SH3RF3: variants seen among roughly 807,000 people sequenced by gnomAD.
SH3RF3 encodes SH3 domain containing ring finger 3, also known as E3 ubiquitin-protein ligase SH3RF3.
Under a neutral mutation model 66.3 loss-of-function variants are expected in SH3RF3, and 29 were observed. The ratio of observed to expected loss-of-function variants is 0.44; its 90% confidence interval spans 0.33 to 0.60. The LOEUF (loss-of-function observed/expected upper bound fraction) is 0.60, where lower values mean the gene tolerates loss of function less well. Ranked by LOEUF, SH3RF3 falls within the 20% of genes least tolerant of loss-of-function variation. The pLI is 0.04. For missense variants in SH3RF3, 1,194 were observed against 1,190.9 expected, an observed-to-expected ratio of 1.00 and a Z score of -0.04; for synonymous variants, 583 against 532.0, an observed-to-expected ratio of 1.10 and a Z score of -1.32.
At chr2:109,280,189 C>T (rs1250123488) in intron 1 of SH3RF3, among the ~76,000 whole-genome samples, 1 of 152,188 alleles carries the variant, frequency 6.6e-6, no homozygotes, top group Non-Finnish European at 1.5e-5. Flanking sequence ...TGTCAGTGGC[C>T]TGCACTAGTG....
chr2:109,145,683 T>G (rs1269141391), intron 1 of SH3RF3, among the ~76,000 whole-genome samples: 1 of 152,214 alleles, frequency 6.6e-6, no homozygotes, highest in Non-Finnish European at 1.5e-5. Flanking sequence ...ATCTTCTGGT[T>G]GTTTTACAGG....
At chr2:109,465,906 C>A (rs1678328313) in intron 8 of SH3RF3, among the ~76,000 whole-genome samples, 1 of 152,084 alleles carries the variant, frequency 6.6e-6, no homozygotes, top group Non-Finnish European at 1.5e-5. Context: ...GCTTCCACGA[C>A]CATTCACCAA....
intron 5 of SH3RF3, among the ~76,000 whole-genome samples, chr2:109,421,318 T>C (rs1034491827): frequency 2.6e-5 from 4 of 152,216 alleles, no homozygotes; most frequent in African/African-American, 9.6e-5. Context: ...ACCAGCTGAA[T>C]GCCTGTACAC....
chr2:109,454,722 G>T (rs1349479989), intron 8 of SH3RF3, among the ~76,000 whole-genome samples: 4 of 152,168 alleles, frequency 2.6e-5, no homozygotes, highest in Non-Finnish European at 5.9e-5. Context: ...CATACAGTAG[G>T]GACGGTACAC....
At chr2:109,430,412 T>G (rs550825872) in intron 5 of SH3RF3, among the ~76,000 whole-genome samples, 9 of 152,236 alleles carry the variant, frequency 5.9e-5, no homozygotes, top group African/African-American at 1.9e-4. Flanking sequence ...TCTTCTGCCT[T>G]CCTTTGCCTC....
intron 1 of SH3RF3, among the ~76,000 whole-genome samples, chr2:109,319,129 C>T (rs891553788): frequency 6.6e-6 from 1 of 152,186 alleles, no homozygotes; most frequent in Admixed American, 6.5e-5. Flanking sequence ...GCACTCCCAT[C>T]TCTGCCTAGA....
intron 5 of SH3RF3, among the ~76,000 whole-genome samples, chr2:109,422,788 C>T (rs1676917241): frequency 6.6e-6 from 1 of 152,180 alleles, no homozygotes; most frequent in South Asian, 2.1e-4. Flanking sequence ...TTGATTCTCA[C>T]CTCCACTTCT....
chr2:109,342,582 C>T (rs1682579441), intron 1 of SH3RF3, among the ~76,000 whole-genome samples: 1 of 152,010 alleles, frequency 6.6e-6, no homozygotes, highest in Non-Finnish European at 1.5e-5. Context: ...CCCCAGCTTG[C>T]TGGGAGGTCT....
chr2:109,200,351 G>T (rs982701265), intron 1 of SH3RF3, among the ~76,000 whole-genome samples: 1 of 152,076 alleles, frequency 6.6e-6, no homozygotes, highest in Non-Finnish European at 1.5e-5. Context: ...CTTTCCATAG[G>T]CTCCTTCGTG....
At chr2:109,298,741 A>T (rs929541805) in intron 1 of SH3RF3, among the ~76,000 whole-genome samples, 5 of 152,172 alleles carry the variant, frequency 3.3e-5, no homozygotes, top group Middle Eastern at 3.4e-3. Flanking sequence ...ACCCTGTGAA[A>T]TATCCCTGAT....
intron 1 of SH3RF3, among the ~76,000 whole-genome samples, chr2:109,224,567 A>T (rs997808010): frequency 3.3e-5 from 5 of 152,182 alleles, no homozygotes; most frequent in Admixed American, 6.5e-5. Context: ...GGCTTTTAAA[A>T]TTTCATTTTG....
chr2:109,399,116 G>A (rs539966608), intron 4 of SH3RF3, among the ~76,000 whole-genome samples, 173 bp downstream of exon 4: 22 of 152,262 alleles, frequency 1.4e-4, no homozygotes, highest in African/African-American at 2.4e-4. Flanking sequence ...CCCTAGAAGC[G>A]TGGAGAATGG....
At chr2:109,331,421 G>C (rs1049066330) in intron 1 of SH3RF3, among the ~76,000 whole-genome samples, 2 of 151,928 alleles carry the variant, frequency 1.3e-5, no homozygotes, top group Non-Finnish European at 2.9e-5. Flanking sequence ...TGAGAACTGG[G>C]GCCTTAACCA....
chr2:109,438,741 TAC>T, intron 7 of SH3RF3, among the ~76,000 whole-genome samples: 1 of 152,300 alleles, frequency 6.6e-6, no homozygotes, highest in South Asian at 2.1e-4. Context: ...TAGCTGGGGA[TAC>T]AGTCATTGCA....
intron 5 of SH3RF3, among the ~76,000 whole-genome samples, chr2:109,421,889 C>T (rs1173781625): frequency 2.6e-5 from 4 of 152,134 alleles, no homozygotes; most frequent in Non-Finnish European, 4.4e-5. Context: ...CAGTCACATG[C>T]CAGGCAACAT....
chr2:109,470,437 T>C (rs1353300106), intron 8 of SH3RF3, among the ~76,000 whole-genome samples: 1 of 152,228 alleles, frequency 6.6e-6, no homozygotes, highest in African/African-American at 2.4e-5. Flanking sequence ...CTCTTCCTTA[T>C]TGCACGTCTG....
intron 1 of SH3RF3, among the ~76,000 whole-genome samples, chr2:109,264,996 C>T (rs1048434446): frequency 6.6e-6 from 1 of 152,216 alleles, no homozygotes; most frequent in Admixed American, 6.5e-5. Context: ...GCCGCATGCT[C>T]TGTCTTAGAG....
intron 3 of SH3RF3, among the ~76,000 whole-genome samples, chr2:109,375,884 G>A (rs1245320371): frequency 6.6e-6 from 1 of 152,236 alleles, no homozygotes; most frequent in African/African-American, 2.4e-5. Flanking sequence ...AGGGCGATGC[G>A]GGCTTCAGAG....
chr2:109,199,200 A>T (rs923716064), intron 1 of SH3RF3, among the ~76,000 whole-genome samples: 2 of 152,074 alleles, frequency 1.3e-5, no homozygotes, highest in African/African-American at 2.4e-5. Flanking sequence ...TGTACGAAAA[A>T]TACAAAAAAT....
Sources: gnomAD v4.1 joint callset for allele counts (sites outside exome capture counted in the v4.1 genomes callset) on GRCh38, gnomAD v4.1.1 for gene constraint, MANE v1.5 for transcripts, NCBI Gene and HGNC (gene_info 2026-07-23, HGNC 2026-07-21) for gene names.